PCGF6: variants seen among roughly 807,000 people sequenced by gnomAD.
PCGF6 encodes polycomb group ring finger 6.
A neutral mutation model predicts 45.5 loss-of-function variants in PCGF6; 24 were observed. The observed-to-expected ratio is 0.53, with a 90% CI of 0.38 to 0.74. The LOEUF (loss-of-function observed/expected upper bound fraction) is 0.74. Among genes scored for constraint, PCGF6 ranks in the 30% least tolerant of loss-of-function variants. PCGF6 has a pLI of 0.00. For synonymous variants in PCGF6, 152 were observed against 162.1 expected, an observed-to-expected ratio of 0.94 and a Z score of 0.47; for missense variants, 356 against 443.2, an observed-to-expected ratio of 0.80 and a Z score of 1.77.
In PCGF6 at chr10:103,338,059, G is replaced by A. The variant is rs2093264233; in HGVS notation, c.783-4107C>T. 1.4e-4 allele frequency among the ~76,000 whole-genome samples: 4 copies of A among 27,986 alleles called. 1 individual carries two copies. The highest frequency in any genetic ancestry group is 4.5e-4 in the Admixed American group (1 of 2,210). 18.4% of individuals were successfully genotyped at this position (27,986 alleles called of 152,430 possible). On this transcript the variant is annotated intron_variant, in intron 6 of 9. Coordinates refer to ENST00000369847, the MANE Select transcript of PCGF6 (RefSeq NM_001011663.2). ...AGCCTGGGTGACAGAGCGAGACTCCGTCTCAAAAAAAAAAAAAAAAAAAAA... is the reference window on the plus strand; with the variant it reads ...AGCCTGGGTGACAGAGCGAGACTCCATCTCAAAAAAAAAAAAAAAAAAAAA...
intron 9 of PCGF6, among the ~76,000 whole-genome samples, chr10:103,306,724 T>C (rs1354383240): frequency 1.3e-5 from 2 of 152,230 alleles, no homozygotes; most frequent in Non-Finnish European, 2.9e-5. Context: ...GTAACATAAA[T>C]GAATACATAA....
chr10:103,314,183 T>A lies in PCGF6; in HGVS notation c.996+3A>T, dbSNP rs777074820. The A allele has an allele frequency of 6.3e-6, 10 of 1,588,164 alleles. No individual in the cohort carries two copies. The highest frequency in any genetic ancestry group is 1.7e-4 in the Middle Eastern group (1 of 6,006). ...GTTAGACATGGGTATGTCTATAACC[T>A]ACCTGCATTGCTGCATCACCTATTG... On this transcript the variant is annotated splice_donor_region_variant and intron_variant, in intron 9 of 9. Coordinates refer to ENST00000369847, the MANE Select transcript of PCGF6 (RefSeq NM_001011663.2).
At chr10:103,350,680 G>T (rs768421648) in intron 1 of PCGF6, 27 bp downstream of exon 1, 7 of 1,451,844 alleles carry the variant, frequency 4.8e-6, no homozygotes, top group Non-Finnish European at 6.4e-6. Flanking sequence ...CTTGGGCCCA[G>T]CGGGGTCGCG....
intron 8 of PCGF6, 30 bp from the exon 9 acceptor site, chr10:103,314,302 T>C: frequency 7.5e-7 from 1 of 1,337,772 alleles, no homozygotes; most frequent in Non-Finnish European, 1.1e-6. Context: ...ATTAGATTGA[T>C]TTCTTGCTTC....
chr10:103,312,983 A>ACAAAAACAAAAT (rs1286700207), intron 9 of PCGF6, among the ~76,000 whole-genome samples: 42 of 152,184 alleles, frequency 2.8e-4, no homozygotes, highest in Non-Finnish European at 5.1e-4. Flanking sequence ...AAAAACAAAA[A>ACAAAAACAAAAT]CAAAAACAAA....
Position 103,324,685 on chromosome 10 carries a change from G to A in PCGF6, c.909+1849C>T, listed in dbSNP as rs555028839. Among the ~76,000 whole-genome samples the A allele has an allele frequency of 6.0e-5, 9 of 150,472 alleles. No homozygotes were observed. In the South Asian group the frequency reaches 1.1e-3, roughly 18 times the overall value. On this transcript the variant is annotated intron_variant, in intron 8 of 9. Transcript: ENST00000369847. The stretch of plus-strand genomic sequence containing the variant: ...TGAGGCAGGAGAATCACTTGAACCC[G>A]GGAGGCGGAGGTTGCAGTGAGCCGG...
At chr10:103,338,384 A>C (rs1488950290) in intron 6 of PCGF6, among the ~76,000 whole-genome samples, 1 of 151,558 alleles carries the variant, frequency 6.6e-6, no homozygotes, top group Non-Finnish European at 1.5e-5. Context: ...TCTACAAAAA[A>C]ACAAAAAAAA....
intron 8 of PCGF6, among the ~76,000 whole-genome samples, chr10:103,326,203 G>C (rs1307597685): frequency 6.6e-6 from 1 of 151,738 alleles, no homozygotes; most frequent in Non-Finnish European, 1.5e-5. Context: ...CGAGACCACA[G>C]TGAAACCCCT....
At chr10:103,348,517 G>T in intron 3 of PCGF6, 199 bp downstream of exon 3, 1 of 403,672 alleles carries the variant, frequency 2.5e-6, no homozygotes, top group Non-Finnish European at 4.4e-6. Context: ...TGGAGATGGG[G>T]TTTCACCATG....
At chr10:103,316,009 TATATAGAGAGAG>T (rs1374041995) in intron 8 of PCGF6, among the ~76,000 whole-genome samples, 1 of 127,334 alleles carries the variant, frequency 7.9e-6, no homozygotes, top group Admixed American at 8.0e-5. Context: ...TATATATATA[TATATAGAGAGAG>T]AGAGAGAGAG....
At chr10:103,333,798 A>G (rs892353162) in intron 7 of PCGF6, 127 bp downstream of exon 7, 1 of 629,592 alleles carries the variant, frequency 1.6e-6, no homozygotes. Context: ...ATAAATCTAT[A>G]ATATTATTAA....
At chr10:103,343,922 T>C (rs2093290385) in intron 6 of PCGF6, among the ~76,000 whole-genome samples, 1 of 150,224 alleles carries the variant, frequency 6.7e-6, no homozygotes, top group Admixed American at 6.7e-5. Flanking sequence ...TCAGTAAATC[T>C]ACACTCGTGG....
chr10:103,307,721 C>T (rs1378414281), intron 9 of PCGF6, among the ~76,000 whole-genome samples: 7 of 152,110 alleles, frequency 4.6e-5, no homozygotes, highest in African/African-American at 1.7e-4. Context: ...GACCCTCCCG[C>T]CTCGGCCTCC....
intron 9 of PCGF6, among the ~76,000 whole-genome samples, chr10:103,304,794 A>G (rs2093132187): frequency 6.6e-6 from 1 of 152,020 alleles, no homozygotes; most frequent in Non-Finnish European, 1.5e-5. Flanking sequence ...TAGCTGGGAA[A>G]ATAGACACGC....
At position 103,351,037 on chromosome 10, in the gene PCGF6, G is replaced by A. The variant is rs1173275125; in HGVS notation, c.30C>T (p.Gly10=). 2.9e-6 allele frequency: 4 copies of A among 1,390,780 alleles called. No homozygotes were observed. The highest frequency in any genetic ancestry group is 2.8e-6 in the Non-Finnish European group (3 of 1,072,126). 86.2% of individuals were successfully genotyped at this position (1,390,780 alleles called of 1,614,324 possible). The stretch of plus-strand genomic sequence containing the variant: ...CCTCGGTTTTGGCAGCGCCTACGCT[G>A]CCCGCCGTCACCACCGCGACCCCCT... MEGVAVVTA[G]SVGAAKTEGA... Residue 10 remains glycine (G), a synonymous_variant, in exon 1 of 10, where the codon GGC becomes GGT. Coordinates refer to ENST00000369847, the MANE Select transcript of PCGF6 (RefSeq NM_001011663.2).
intron 6 of PCGF6, among the ~76,000 whole-genome samples, chr10:103,339,674 C>T (rs2093271179): frequency 6.6e-6 from 1 of 150,554 alleles, no homozygotes; most frequent in Non-Finnish European, 1.5e-5. Flanking sequence ...CTTGTAATCC[C>T]CGCTACTCTG....
intron 9 of PCGF6, among the ~76,000 whole-genome samples, chr10:103,309,299 G>A (rs1429960720): frequency 6.6e-6 from 1 of 152,142 alleles, no homozygotes; most frequent in Non-Finnish European, 1.5e-5. Context: ...GGGGCCTGGT[G>A]GGAGGTGATT....
chr10:103,306,216 GCCT>G (rs2093137937), intron 9 of PCGF6, among the ~76,000 whole-genome samples: 1 of 151,748 alleles, frequency 6.6e-6, no homozygotes, highest in South Asian at 2.1e-4. Flanking sequence ...TCCTGCCTCA[GCCT>G]CCTGAGTAGC....
intron 7 of PCGF6, among the ~76,000 whole-genome samples, chr10:103,328,351 T>C (rs2093227072): frequency 6.6e-6 from 1 of 152,146 alleles, no homozygotes; most frequent in African/African-American, 2.4e-5. Flanking sequence ...AAACTCAGAG[T>C]CTATATTAGA....
Sources: allele counts gnomAD v4.1 joint callset (sites outside exome capture counted in the v4.1 genomes callset), GRCh38; gene constraint gnomAD v4.1.1; transcripts MANE v1.5; gene names NCBI Gene and HGNC (gene_info 2026-07-23, HGNC 2026-07-21).